Variants in ADK observed in about 807,000 individuals in gnomAD.
ADK encodes the protein N6,N6-dimethyladenosine kinase.
A neutral mutation model predicts 44.7 loss-of-function variants in ADK; 24 were observed. The observed-to-expected ratio is 0.54, with a 90% CI of 0.39 to 0.76. The LOEUF (loss-of-function observed/expected upper bound fraction) is 0.76, where lower values mean the gene tolerates loss of function less well. ADK is among the 30% of genes least tolerant of loss of function. The probability of loss-of-function intolerance (pLI) is 0.00; values close to 1 mark genes in which losing one functional copy is unlikely to be tolerated. For missense variants in ADK, 321 were observed against 425.1 expected (o/e 0.76, Z 2.15); for synonymous variants, 128 against 142.6 (o/e 0.90, Z 0.73).
chr10:74,200,232 C>T (rs1463114253), intron 1 of ADK, among the ~76,000 whole-genome samples: 41 of 143,424 alleles, frequency 2.9e-4, no homozygotes, highest in Non-Finnish European at 5.8e-4. Flanking sequence ...ACCTGTAATC[C>T]CAGCATTTTG....
At chr10:74,404,775 G>A (rs1338409345) in intron 6 of ADK, among the ~76,000 whole-genome samples, 1 of 152,098 alleles carries the variant, frequency 6.6e-6, no homozygotes, top group African/African-American at 2.4e-5. Flanking sequence ...TGGCTTTTGA[G>A]GCATGGAGAT....
chr10:74,164,745 A>T (rs984723372), intron 1 of ADK, among the ~76,000 whole-genome samples: 1 of 152,014 alleles, frequency 6.6e-6, no homozygotes, highest in Non-Finnish European at 1.5e-5. Flanking sequence ...CTTTAGCACT[A>T]TTTCCCCCAT....
At chr10:74,517,765 A>G (rs1182324703) in intron 6 of ADK, among the ~76,000 whole-genome samples, 1 of 152,080 alleles carries the variant, frequency 6.6e-6, no homozygotes, top group African/African-American at 2.4e-5. Flanking sequence ...ATAGACAGGA[A>G]GAAGATCCAA....
chr10:74,585,980 T>C (rs941762052), intron 7 of ADK, among the ~76,000 whole-genome samples: 1 of 152,244 alleles, frequency 6.6e-6, no homozygotes, highest in African/African-American at 2.4e-5. Context: ...CAACTATGCC[T>C]ATTCTTTCTT....
intron 3 of ADK, among the ~76,000 whole-genome samples, chr10:74,293,643 G>A (rs1441930355): frequency 6.6e-6 from 1 of 151,942 alleles, no homozygotes; most frequent in Non-Finnish European, 1.5e-5. Context: ...TTAAACTTCT[G>A]TTTACCTTAC....
rs535723446 is a variant in ADK at position 74,215,622 on chromosome 10, G to A, written c.141-8916G>A. ...TTATAAGCATGAGCCACTGCGCCCA[G>A]CTAATGATTTTTAATAACTTTATAT... On this transcript the variant is annotated intron_variant, in intron 2 of 10. Coordinates refer to ENST00000539909, the MANE Select transcript of ADK (RefSeq NM_006721.4). Among the ~76,000 whole-genome samples the A allele has an allele frequency of 2.0e-5, 3 of 151,124 alleles. No individual in the cohort carries two copies. In the East Asian group the frequency reaches 5.9e-4, roughly 30 times the overall value.
intron 5 of ADK, among the ~76,000 whole-genome samples, chr10:74,396,682 G>T (rs939095513): frequency 9.2e-5 from 14 of 152,076 alleles, no homozygotes; most frequent in Non-Finnish European, 1.6e-4. Flanking sequence ...GGTCGGGCAT[G>T]GCAGCTCATG....
chr10:74,675,020 C>T (rs532679705), intron 10 of ADK, among the ~76,000 whole-genome samples: 71 of 152,264 alleles, frequency 4.7e-4, no homozygotes, highest in African/African-American at 1.6e-3. Context: ...AACATATCTT[C>T]TTTCTGATTG....
intron 6 of ADK, among the ~76,000 whole-genome samples, chr10:74,402,913 C>G (rs1843770767): frequency 6.6e-6 from 1 of 152,100 alleles, no homozygotes. Flanking sequence ...TGATGGTGAC[C>G]TACAGATAGG....
intron 3 of ADK, among the ~76,000 whole-genome samples, chr10:74,246,977 T>G (rs138608604): frequency 1.2e-3 from 178 of 152,022 alleles, no homozygotes; most frequent in African/African-American, 4.0e-3. Context: ...TATTTTAACT[T>G]CTAATATGAT....
intron 4 of ADK, among the ~76,000 whole-genome samples, chr10:74,348,468 G>A (rs1448658597): frequency 6.6e-6 from 1 of 152,076 alleles, no homozygotes; most frequent in Non-Finnish European, 1.5e-5. Context: ...ATAAATCCAT[G>A]ATGATGAGGA....
intron 3 of ADK, among the ~76,000 whole-genome samples, chr10:74,236,659 G>A (rs1338215590): frequency 6.6e-6 from 1 of 151,988 alleles, no homozygotes; most frequent in Non-Finnish European, 1.5e-5. Context: ...TTCCTATACA[G>A]GCACACCTTG....
In ADK at chr10:74,635,187, A is replaced by G. The variant is rs923146140; in HGVS notation, c.877+34694A>G. ...AATACAAAGAAAACCACACCTAAACATTTAATTAGACTACTACTGAAACCA... is the reference window on the plus strand; with the variant it reads ...AATACAAAGAAAACCACACCTAAACGTTTAATTAGACTACTACTGAAACCA... On this transcript the variant is annotated intron_variant, in intron 9 of 10. Transcript: ENST00000539909. Among the ~76,000 whole-genome samples, 6 of 152,214 alleles carry G rather than the reference A, an allele frequency of 3.9e-5. No individual in the cohort carries two copies. The South Asian group carries it at 1.2e-3, about 32-fold the overall frequency.
chr10:74,439,388 G>C (rs575884175), intron 6 of ADK, among the ~76,000 whole-genome samples: 88 of 152,208 alleles, frequency 5.8e-4, no homozygotes, highest in Non-Finnish European at 4.4e-5. Context: ...AGGCAGCTTT[G>C]AAGACATGAA....
At chr10:74,199,025 A>G (rs1177570736) in intron 1 of ADK, among the ~76,000 whole-genome samples, 1 of 152,186 alleles carries the variant, frequency 6.6e-6, no homozygotes, top group African/African-American at 2.4e-5. Flanking sequence ...TAAATTTGTA[A>G]AAGTTACAAA....
At chr10:74,688,436 TTAAATAAATGAA>T (rs1243651334) in intron 10 of ADK, among the ~76,000 whole-genome samples, 2 of 152,164 alleles carry the variant, frequency 1.3e-5, no homozygotes, top group South Asian at 2.1e-4. Context: ...TAAATATTAG[TTAAATAAATGAA>T]TATATCAATC....
At chr10:74,704,620 G>C (rs1856535371) in intron 10 of ADK, among the ~76,000 whole-genome samples, 1 of 152,170 alleles carries the variant, frequency 6.6e-6, no homozygotes, top group African/African-American at 2.4e-5. Flanking sequence ...TTCTCCACTT[G>C]TCAAAGCAAA....
chr10:74,300,630 TG>T (rs1257765934), intron 3 of ADK, among the ~76,000 whole-genome samples: 1 of 152,026 alleles, frequency 6.6e-6, no homozygotes, highest in African/African-American at 2.4e-5. Context: ...CCACTCACTT[TG>T]GCTTCCCATA....
intron 1 of ADK, among the ~76,000 whole-genome samples, chr10:74,192,212 TTTTTTC>T (rs1445974560): frequency 6.6e-6 from 1 of 152,082 alleles, no homozygotes; most frequent in East Asian, 1.9e-4. Context: ...TTTACCATTT[TTTTTTC>T]TTTTTCTTTC....
Sources: gnomAD v4.1 joint callset for allele counts (sites outside exome capture counted in the v4.1 genomes callset) on GRCh38, gnomAD v4.1.1 for gene constraint, MANE v1.5 for transcripts, NCBI Gene and HGNC (gene_info 2026-07-23, HGNC 2026-07-21) for gene names.